Variants in VPS13A observed in about 807,000 individuals in gnomAD.
VPS13A encodes intermembrane lipid transfer protein VPS13A.
In VPS13A, 264 loss-of-function variants were observed where a neutral mutation model predicts 390.9. The ratio of observed to expected loss-of-function variants is 0.68; its 90% CI spans 0.61 to 0.75. The LOEUF (loss-of-function observed/expected upper bound fraction) is 0.75. Among genes scored for constraint, VPS13A ranks in the 30% least tolerant of loss-of-function variants. The pLI is 0.00. For synonymous variants in VPS13A, 1,231 were observed against 1,227.1 expected (o/e 1.00, Z -0.07); for missense variants, 3,409 against 3,733.9 (o/e 0.91, Z 2.27).
chr9:77,370,445 C>G lies in VPS13A; in HGVS notation c.8774C>G (p.Thr2925Ser). 1.2e-6 allele frequency: 2 copies of G among 1,614,136 alleles called. No homozygotes were observed. The highest frequency in any genetic ancestry group is 1.7e-6 in the Non-Finnish European group (2 of 1,180,022). ...GGLAGAASKITGAMAKGVAAM... is the reference protein window; with the variant it reads ...GGLAGAASKISGAMAKGVAAM... The stretch of plus-strand genomic sequence containing the variant: ...TTGGCTGGTGCTGCCTCCAAAATCA[C>G]CGGTGCTATGGCTAAGGGGGTAGCA... Residue 2925 changes from threonine (T) to serine (S), a missense_variant, in exon 65 of 72, where the codon ACC (threonine) becomes AGC (serine). By Grantham distance (58) the Thr-to-Ser change is moderately conservative. Coordinates refer to ENST00000360280, the MANE Select transcript of VPS13A (RefSeq NM_033305.3).
intron 33 of VPS13A, among the ~76,000 whole-genome samples, chr9:77,297,477 G>A (rs1235807031): frequency 6.6e-6 from 1 of 151,796 alleles, no homozygotes; most frequent in Non-Finnish European, 1.5e-5. Flanking sequence ...ACAATCGTAG[G>A]GCTCACCTCA....
chr9:77,345,188 A>G (rs1214197011), intron 52 of VPS13A, 46 bp downstream of exon 52: 1 of 1,591,132 alleles, frequency 6.3e-7, no homozygotes, highest in Non-Finnish European at 8.6e-7. Flanking sequence ...GTAAGTCTAG[A>G]TGATGAGGCA....
chr9:77,297,452 C>T (rs1173269578), intron 33 of VPS13A, among the ~76,000 whole-genome samples: 1 of 152,006 alleles, frequency 6.6e-6, no homozygotes, highest in African/African-American at 2.4e-5. Flanking sequence ...TATGGTAAAA[C>T]AATAGTAAAC....
At chr9:77,368,273 C>A in intron 62 of VPS13A, 137 bp downstream of exon 62, 1 of 737,452 alleles carries the variant, frequency 1.4e-6, no homozygotes, top group Non-Finnish European at 2.2e-6. Context: ...GTATTTTCCT[C>A]AGAATTATAA....
At position 77,254,513 on chromosome 9, in the gene VPS13A, G is replaced by A. The variant is rs184657863; in HGVS notation, c.2288+2161G>A. ...GTTCTTTCGATTGTCTTGGCTATTC[G>A]GGATCCTTTGGTATTCCATATGAAT... On this transcript the variant is annotated intron_variant, in intron 22 of 71. Coordinates refer to ENST00000360280, the MANE Select transcript of VPS13A (RefSeq NM_033305.3). Among the ~76,000 whole-genome samples, 316 of 152,160 alleles carry A rather than the reference G, an allele frequency of 2.1e-3. 3 individuals are homozygous for A. The highest frequency in any genetic ancestry group is 2.0e-3 in the Non-Finnish European group (133 of 68,014).
At chr9:77,189,161 A>T (rs1195486040) in intron 1 of VPS13A, among the ~76,000 whole-genome samples, 1 of 123,522 alleles carries the variant, frequency 8.1e-6, no homozygotes. Context: ...GTAGTTCTGG[A>T]ATTTTCATCA....
Position 77,260,207 on chromosome 9 carries a change from C to A in VPS13A, c.2410C>A (p.Pro804Thr). The change falls in exon 23 of 72, where the codon CCT becomes ACT. Residue 804 changes from proline (P) to threonine (T), a missense_variant. Around this residue, in one of 5 missense-constraint regions of VPS13A, gnomAD observed 2,717 missense variants for 2,917.4 expected, o/e 0.93. Transcript: ENST00000360280. ...TGAACCAGTAACTGAAGTATCTGCC[C>A]CTGTCAAATCATTCCAGGTAATGTT... is the stretch of plus-strand genomic sequence containing the variant. ...KPEPVTEVSA[P>T]VKSFQIQTST... The A allele has an allele frequency of 6.2e-7, 1 of 1,613,200 alleles. No individual in the cohort carries two copies. The highest frequency in any genetic ancestry group is 1.1e-5 in the South Asian group (1 of 90,942).
chr9:77,250,557 G>A (rs981240448), intron 21 of VPS13A, among the ~76,000 whole-genome samples: 1 of 152,152 alleles, frequency 6.6e-6, no homozygotes. Flanking sequence ...TGCTGAGGTC[G>A]AGAAATCCTG....
At chr9:77,401,744 A>G (rs1336199329) in intron 68 of VPS13A, among the ~76,000 whole-genome samples, 1 of 152,212 alleles carries the variant, frequency 6.6e-6, no homozygotes, top group Admixed American at 6.5e-5. Context: ...TAAATTATCT[A>G]ATACAGTAGT....
chr9:77,256,918 T>A (rs1240027645), intron 22 of VPS13A, among the ~76,000 whole-genome samples: 1 of 152,176 alleles, frequency 6.6e-6, no homozygotes, highest in Non-Finnish European at 1.5e-5. Flanking sequence ...GTAGACAGTA[T>A]GTAGTTGCAT....
intron 59 of VPS13A, 81 bp downstream of exon 59, chr9:77,360,722 C>A: frequency 1.9e-6 from 2 of 1,070,822 alleles, no homozygotes; most frequent in Non-Finnish European, 2.8e-6. Context: ...ATTAAAATGA[C>A]TTTGTTGCAT....
chr9:77,191,998 G>C (rs1824714716), intron 1 of VPS13A, among the ~76,000 whole-genome samples: 1 of 152,106 alleles, frequency 6.6e-6, no homozygotes, highest in Non-Finnish European at 1.5e-5. Flanking sequence ...GTAGGTCTCT[G>C]AGAGCTTCTT....
At chr9:77,209,004 G>A (rs1825828006) in intron 5 of VPS13A, among the ~76,000 whole-genome samples, 2 of 152,150 alleles carry the variant, frequency 1.3e-5, no homozygotes, top group African/African-American at 4.8e-5. Flanking sequence ...GGGGGAGGAG[G>A]ATATTCAACT....
At chr9:77,349,271 A>T (rs1215253378) in intron 52 of VPS13A, among the ~76,000 whole-genome samples, 1 of 151,928 alleles carries the variant, frequency 6.6e-6, no homozygotes, top group African/African-American at 2.4e-5. Flanking sequence ...TTGTGAGCAT[A>T]TCAATTTGCT....
chr9:77,303,124 C>T, intron 34 of VPS13A, 62 bp downstream of exon 34: 1 of 1,557,476 alleles, frequency 6.4e-7, no homozygotes. Context: ...TGCTTGGGGA[C>T]ATAAGGCATC....
At chr9:77,280,282 G>C in intron 27 of VPS13A, 44 bp downstream of exon 27, 1 of 1,481,422 alleles carries the variant, frequency 6.8e-7, no homozygotes, top group Non-Finnish European at 9.4e-7. Flanking sequence ...TAAGTATGCT[G>C]CTGAAATGTT....
At position 77,337,261 on chromosome 9, in the gene VPS13A, C is replaced by T. The variant is rs569599272; in HGVS notation, c.6102C>T (p.Phe2034=). The change falls in exon 47 of 72, where the codon TTC becomes TTT. Residue 2034 remains phenylalanine, a synonymous_variant. Coordinates refer to ENST00000360280, the MANE Select transcript of VPS13A (RefSeq NM_033305.3). ...FNIPLGSYRS[F]IFLKPEDENY... is the part of the protein sequence containing the mutation. ...ATCATTTAATCTCATGCAGATCATT[C>T]ATTTTTCTGAAGCCAGAAGATGAGA... The T allele has an allele frequency of 9.3e-6, 15 of 1,611,182 alleles. No individual in the cohort carries two copies. In the East Asian group the frequency reaches 2.2e-4, roughly 24 times the overall value.
At chr9:77,405,755 A>T in intron 69 of VPS13A, 109 bp from the exon 70 acceptor site, 1 of 1,337,636 alleles carries the variant, frequency 7.5e-7, no homozygotes, top group Middle Eastern at 1.8e-4. Context: ...AATATAGTCT[A>T]TGTTGATGAA....
intron 1 of VPS13A, among the ~76,000 whole-genome samples, chr9:77,197,025 A>T (rs1308560011): frequency 6.6e-6 from 1 of 152,102 alleles, no homozygotes; most frequent in Non-Finnish European, 1.5e-5. Flanking sequence ...CTTTTTGATG[A>T]TAGCCAGTCT....
Sources: gnomAD v4.1 joint callset for allele counts (sites outside exome capture counted in the v4.1 genomes callset) on GRCh38, gnomAD v4.1.1 for gene constraint, gnomAD v4.1.1 regional missense constraint, MANE v1.5 for transcripts, NCBI Gene and HGNC (gene_info 2026-07-23, HGNC 2026-07-21) for gene names.